The following SND1 variants were observed in gnomAD, a reference collection of about 807,000 sequenced individuals.
The protein encoded by SND1 is staphylococcal nuclease and tudor domain containing 1.
Under a neutral mutation model 121.7 loss-of-function variants are expected in SND1, and 38 were observed. The observed-to-expected ratio is 0.31, with a 90% CI of 0.24 to 0.41. The LOEUF is 0.41. SND1 is among the 10% of genes least tolerant of loss of function. The pLI, the probability that SND1 is intolerant of heterozygous loss-of-function variation, is 1.00. For synonymous variants in SND1, 401 were observed against 447.4 expected (o/e 0.90, Z 1.31); for missense variants, 868 against 1,184.6 (o/e 0.73, Z 3.92).
intron 14 of SND1, among the ~76,000 whole-genome samples, chr7:127,913,286 C>T (rs1800499140): frequency 6.6e-6 from 1 of 152,130 alleles, no homozygotes; most frequent in Admixed American, 6.6e-5. Flanking sequence ...TTTCTAGTTT[C>T]CTTCTGCTTC....
intron 11 of SND1, among the ~76,000 whole-genome samples, chr7:127,828,875 C>T (rs12539411): frequency 0.28 from 42,769 of 152,044 alleles, 7,446 homozygotes; most frequent in East Asian, 0.64. Flanking sequence ...AATCATGGAG[C>T]AGAGCTCCCT....
chr7:127,756,148 C>T (rs1797190877), intron 10 of SND1, among the ~76,000 whole-genome samples: 1 of 152,214 alleles, frequency 6.6e-6, no homozygotes, highest in Non-Finnish European at 1.5e-5. Context: ...AAACCAATTA[C>T]GCTAGAGGAG....
At chr7:127,851,955 G>A (rs1222388469) in intron 12 of SND1, among the ~76,000 whole-genome samples, 1 of 151,908 alleles carries the variant, frequency 6.6e-6, no homozygotes, top group Admixed American at 6.6e-5. Context: ...CCAGGAGTTC[G>A]AATCCAGCCT....
Position 128,085,907 on chromosome 7 carries a change from C to A in SND1, c.2304+127C>A. 1.2e-6 allele frequency: 1 copy of A among 827,260 alleles called. No homozygotes were observed. Among genetic ancestry groups the A allele is most frequent in the South Asian group, 1.6e-5 (1 of 63,010 alleles). 51.2% of individuals were successfully genotyped at this position (827,260 alleles called of 1,614,324 possible). Reference sequence around the variant, plus strand: ...AACAATGAGCATTGGGGCATCTCTGCTGTGCGTGTAACAGGCCAGGCCCCC... The same window carrying A: ...AACAATGAGCATTGGGGCATCTCTGATGTGCGTGTAACAGGCCAGGCCCCC... On this transcript the variant is annotated intron_variant, in intron 20 of 23. Coordinates refer to ENST00000354725, the MANE Select transcript of SND1 (RefSeq NM_014390.4). The surrounding 1 kb of genome is among the most constrained non-coding windows in gnomAD (Gnocchi z 4.4).
rs1009935893 is a variant in SND1, at chr7:127,904,902, G to GT, written c.1527+84dup. 116 of 901,714 alleles carry GT rather than the reference G, an allele frequency of 1.3e-4. No individual in the cohort carries two copies. The African/African-American group carries it at 1.7e-3, about 13-fold the overall frequency. The allele number at this position is 901,714 out of a possible 1,614,324, so 55.9% of individuals were successfully genotyped here. A position where few individuals can be genotyped will look rare whatever the true frequency, so the allele number is the denominator to read the frequency against. On this transcript the variant is annotated intron_variant, in intron 14 of 23. Transcript: ENST00000354725. Reference sequence around the variant, plus strand: ...TATTTGCTGAAGGACTTCAGCTTATGTATTTTCTCTAGCTCGCTCCTTTTC... The same window carrying GT: ...TATTTGCTGAAGGACTTCAGCTTATGTTATTTTCTCTAGCTCGCTCCTTTTC...
rs150634239 is a variant in SND1 at position 127,689,710 on chromosome 7, A to G, written c.228+2948A>G. On this transcript the variant is annotated intron_variant, in intron 2 of 23. Transcript: ENST00000354725. ...CTCAGTCTCACTGTTTCTCCTGGTAACTCTTCAGAGATCCCTGTGAGATGA... is the reference window on the plus strand; with the variant it reads ...CTCAGTCTCACTGTTTCTCCTGGTAGCTCTTCAGAGATCCCTGTGAGATGA... Among the ~76,000 whole-genome samples, 728 of 151,986 alleles carry G rather than the reference A, an allele frequency of 4.8e-3. 7 individuals are homozygous for G. The highest frequency in any genetic ancestry group is 0.017 in the African/African-American group (694 of 41,460).
chr7:127,857,723 G>A lies in SND1; in HGVS notation c.1343+13299G>A, dbSNP rs932597485. 6.6e-6 allele frequency: 4 copies of A among 604,358 alleles called. No individual in the cohort carries two copies. In the African/African-American group the frequency reaches 7.5e-5, roughly 11 times the overall value. 37.4% of individuals were successfully genotyped at this position (604,358 alleles called of 1,614,324 possible). ...CACAGCCAAGGCCCCACAACTAAAG[G>A]CTTTTATTGGGAAAGGGAAATTGAC... is the stretch of plus-strand genomic sequence containing the variant. On this transcript the variant is annotated intron_variant, in intron 12 of 23. Coordinates refer to ENST00000354725, the MANE Select transcript of SND1 (RefSeq NM_014390.4).
Position 127,670,051 on chromosome 7 carries a change from C to T in SND1, c.79-16562C>T, listed in dbSNP as rs553753823. Among the ~76,000 whole-genome samples the T allele has an allele frequency of 1.1e-4, 17 of 150,676 alleles. No homozygotes were observed. The South Asian group carries it at 3.1e-3, about 28-fold the overall frequency. On this transcript the variant is annotated intron_variant, in intron 1 of 23. Transcript: ENST00000354725. ...TCTCACCCAGGCTGGAGTGCAGTGG[C>T]GTGATCTCGGCTTACTGCAACCTCT...
chr7:127,811,002 C>T (rs1486517590), intron 11 of SND1, among the ~76,000 whole-genome samples: 1 of 151,854 alleles, frequency 6.6e-6, no homozygotes, highest in Admixed American at 6.6e-5. Flanking sequence ...ACAGTAGATG[C>T]TCATTGTAAA....
At chr7:127,950,176 A>T (rs921770452) in intron 15 of SND1, among the ~76,000 whole-genome samples, 1 of 151,658 alleles carries the variant, frequency 6.6e-6, no homozygotes, top group South Asian at 2.1e-4. Context: ...TGATTTGCAG[A>T]CCCCTCTTTT....
chr7:127,896,747 C>T (rs762403399), intron 13 of SND1, among the ~76,000 whole-genome samples: 2 of 152,224 alleles, frequency 1.3e-5, no homozygotes, highest in East Asian at 3.9e-4. Flanking sequence ...CTGTCTCTTT[C>T]CCCCTTCCTC....
intron 16 of SND1, among the ~76,000 whole-genome samples, chr7:128,039,109 A>G (rs1053277331): frequency 7.2e-5 from 11 of 152,188 alleles, no homozygotes; most frequent in South Asian, 2.1e-4. Flanking sequence ...ATACTCTTAC[A>G]TGGTTCTCCC....
intron 15 of SND1, among the ~76,000 whole-genome samples, chr7:127,961,388 A>C (rs1050136825): frequency 1.3e-5 from 2 of 152,224 alleles, no homozygotes; most frequent in Admixed American, 1.3e-4. Flanking sequence ...ATCTAGATCC[A>C]GGCATCTTTA....
At chr7:127,706,794 A>C (rs1796209622) in intron 8 of SND1, among the ~76,000 whole-genome samples, 1 of 152,122 alleles carries the variant, frequency 6.6e-6, no homozygotes, top group Non-Finnish European at 1.5e-5. Flanking sequence ...GTATTGAATT[A>C]CTTCTTGTAT....
At chr7:127,807,450 T>C in intron 10 of SND1, 34 bp from the exon 11 acceptor site, 1 of 1,536,260 alleles carries the variant, frequency 6.5e-7, no homozygotes, top group South Asian at 1.1e-5. Context: ...TTGATATTGT[T>C]CATTCCTGAT....
intron 15 of SND1, among the ~76,000 whole-genome samples, chr7:127,985,116 C>G (rs1266988626): frequency 6.6e-6 from 1 of 152,200 alleles, no homozygotes; most frequent in Non-Finnish European, 1.5e-5. Flanking sequence ...CTGCCATTCC[C>G]CACCTTCTGC....
intron 11 of SND1, among the ~76,000 whole-genome samples, chr7:127,813,486 G>C (rs1361939247): frequency 6.6e-6 from 1 of 152,128 alleles, no homozygotes; most frequent in Non-Finnish European, 1.5e-5. Flanking sequence ...AAGTACCTCT[G>C]TTCTTTGAGG....
intron 10 of SND1, among the ~76,000 whole-genome samples, chr7:127,787,209 T>G (rs1416133227): frequency 6.6e-6 from 1 of 152,182 alleles, no homozygotes; most frequent in Non-Finnish European, 1.5e-5. Flanking sequence ...GCTTTTTGTT[T>G]GTTGGTTTTT....
chr7:127,714,505 T>C (rs1355808838), intron 9 of SND1, among the ~76,000 whole-genome samples: 1 of 152,246 alleles, frequency 6.6e-6, no homozygotes, highest in Non-Finnish European at 1.5e-5. Flanking sequence ...TAACATAATA[T>C]GTAGTATCTT....
Sources: gnomAD v4.1 joint callset for allele counts (sites outside exome capture counted in the v4.1 genomes callset) on GRCh38, gnomAD v4.1.1 for gene constraint, Gnocchi (gnomAD v3.1) non-coding constraint, MANE v1.5 for transcripts, NCBI Gene and HGNC (gene_info 2026-07-23, HGNC 2026-07-21) for gene names.